Variants in TIMMDC1 observed in about 807,000 individuals in gnomAD.
The protein encoded by TIMMDC1 is translocase of inner mitochondrial membrane domain containing 1, also known as complex I assembly factor TIMMDC1, mitochondrial.
In TIMMDC1, 25 loss-of-function variants were observed where a neutral mutation model predicts 32.6. The observed-to-expected ratio is 0.77, with a 90% CI of 0.56 to 1.07. TIMMDC1 has a LOEUF of 1.07. Ranked by LOEUF, TIMMDC1 falls within the 50% of genes least tolerant of loss-of-function variation. TIMMDC1 has a pLI of 0.00. For synonymous variants in TIMMDC1, 130 were observed against 127.6 expected (o/e 1.02, Z -0.13); for missense variants, 329 against 349.2 (o/e 0.94, Z 0.46).
chr3:119,509,238 A>T (rs185658967), intron 4 of TIMMDC1, among the ~76,000 whole-genome samples: 2 of 152,156 alleles, frequency 1.3e-5, no homozygotes, highest in Non-Finnish European at 2.9e-5. Context: ...TTACTGTGCA[A>T]CTCAGCAATT....
chr3:119,514,665 A>G (rs2081974003), intron 5 of TIMMDC1, among the ~76,000 whole-genome samples: 1 of 152,198 alleles, frequency 6.6e-6, no homozygotes, highest in Non-Finnish European at 1.5e-5. Flanking sequence ...AAGTAATATT[A>G]ACTTTAATTA....
At position 119,517,281 on chromosome 3, in the gene TIMMDC1, C is replaced by G. The variant is rs149481081; in HGVS notation, c.673C>G (p.Arg225Gly). 4 of 1,613,464 alleles carry G rather than the reference C, an allele frequency of 2.5e-6. No homozygotes were observed. The highest frequency in any genetic ancestry group is 2.5e-6 in the Non-Finnish European group (3 of 1,179,534). ...ETVQERKQKD[R>G]KALHELKLEE... ...TGTTCAGGAAAGAAAACAGAAGGAT[C>G]GAAAGGCACTCCATGAGCTAAAACT... The change falls in exon 6 of 7, where the codon CGA (arginine) becomes GGA (glycine). Residue 225 changes from arginine to glycine, a missense_variant. Arg to Gly is a moderately radical substitution (Grantham distance 125, BLOSUM62 -2). Coordinates refer to ENST00000494664, the MANE Select transcript of TIMMDC1 (RefSeq NM_016589.4).
chr3:119,516,321 C>T lies in TIMMDC1; in HGVS notation c.597-884C>T, dbSNP rs2081985216. Among the ~76,000 whole-genome samples the T allele has an allele frequency of 2.0e-5, 3 of 152,184 alleles. No homozygotes were observed. In the South Asian group the frequency reaches 6.2e-4, roughly 32 times the overall value. ...TCTAAGATTTTGACTACTTTAGATA[C>T]TTCATATGAGTGGAATCATACACTA... is the stretch of plus-strand genomic sequence containing the variant. On this transcript the variant is annotated intron_variant, in intron 5 of 6. Transcript: ENST00000494664.
At chr3:119,516,857 G>T (rs114189851) in intron 5 of TIMMDC1, among the ~76,000 whole-genome samples, 46 of 152,214 alleles carry the variant, frequency 3.0e-4, no homozygotes, top group Non-Finnish European at 5.6e-4. Context: ...GAAATCTTTG[G>T]TGTGGGGCTA....
At chr3:119,519,560 A>C (rs755976007) in intron 6 of TIMMDC1, among the ~76,000 whole-genome samples, 16 of 152,188 alleles carry the variant, frequency 1.1e-4, no homozygotes, top group Non-Finnish European at 1.6e-4. Flanking sequence ...GGAAATAACA[A>C]CTGTAAATAT....
At chr3:119,519,509 C>G (rs147886403) in intron 6 of TIMMDC1, among the ~76,000 whole-genome samples, 1 of 151,932 alleles carries the variant, frequency 6.6e-6, no homozygotes, top group African/African-American at 2.4e-5. Flanking sequence ...TAAAAAGAGA[C>G]AAGGTCATTA....
chr3:119,519,706 C>G (rs537620833), intron 6 of TIMMDC1, among the ~76,000 whole-genome samples: 79 of 150,312 alleles, frequency 5.3e-4, no homozygotes, highest in African/African-American at 1.8e-3. Context: ...GACAGATCAT[C>G]TAGACAGAAA....
chr3:119,523,326 C>G (rs1489287220), intron 6 of TIMMDC1, among the ~76,000 whole-genome samples: 1 of 152,180 alleles, frequency 6.6e-6, no homozygotes, highest in Non-Finnish European at 1.5e-5. Context: ...CCACACATCA[C>G]TCCTGTGAGA....
chr3:119,518,852 A>T (rs1389071595), intron 6 of TIMMDC1, among the ~76,000 whole-genome samples: 1 of 151,916 alleles, frequency 6.6e-6, no homozygotes, highest in African/African-American at 2.4e-5. Flanking sequence ...AGAGAATGGG[A>T]TGATACATTC....
chr3:119,515,997 T>C (rs1265975721), intron 5 of TIMMDC1, among the ~76,000 whole-genome samples: 2 of 152,238 alleles, frequency 1.3e-5, no homozygotes, highest in African/African-American at 4.8e-5. Flanking sequence ...AATCAGCATG[T>C]CATAATCTAC....
chr3:119,506,950 G>C (rs75377110), intron 4 of TIMMDC1, among the ~76,000 whole-genome samples: 2,024 of 152,182 alleles, frequency 0.013, 42 homozygotes, highest in South Asian at 0.071. Context: ...TCAAAGTCCA[G>C]ATCATTTGTC....
chr3:119,524,927 C>T lies in TIMMDC1; in HGVS notation c.*1171C>T, dbSNP rs1305291001. 1.3e-5 allele frequency: 2 copies of T among 152,162 alleles called. No individual in the cohort carries two copies. Among genetic ancestry groups the T allele is most frequent in the East Asian group, 1.9e-4 (1 of 5,204 alleles). 9.4% of individuals were successfully genotyped at this position (152,162 alleles called of 1,614,324 possible). On this transcript the variant is annotated 3_prime_UTR_variant, in exon 7 of 7. Transcript: ENST00000494664. ...TGCTTAGTACATACACTGTAAACAA[C>T]GATCTCATTTTAAATGAGAACTTTC...
Position 119,523,666 on chromosome 3 carries a change from A to G in TIMMDC1, c.768A>G (p.Glu256=), listed in dbSNP as rs2082046119. 1 of 1,613,594 alleles carries G rather than the reference A, an allele frequency of 6.2e-7. No individual in the cohort carries two copies. The highest frequency in any genetic ancestry group is 1.3e-5 in the African/African-American group (1 of 74,904). The change falls in exon 7 of 7, where the codon GAA becomes GAG. Residue 256 remains glutamate (E), a synonymous_variant. Coordinates refer to ENST00000494664, the MANE Select transcript of TIMMDC1 (RefSeq NM_016589.4). The part of the protein sequence containing the change: ...LPEKIESSLQ[E]DEPENDAKKI... ...AGAAAATTGAAAGTAGTTTACAGGA[A>G]GATGAACCTGAGAATGATGCTAAGA...
rs1289041409 is a variant in TIMMDC1, at chr3:119,500,679, C to G, written c.195-16C>G. 7 of 1,606,554 alleles carry G rather than the reference C, an allele frequency of 4.4e-6. No individual in the cohort carries two copies. The highest frequency in any genetic ancestry group is 5.9e-6 in the Non-Finnish European group (7 of 1,176,534). ...ATAAACTAATCCCAAACAACATTGT[C>G]TTTTTGATGTTGTAGTGAACAGCAG... On this transcript the variant is annotated splice_polypyrimidine_tract_variant and intron_variant, in intron 1 of 6. Transcript: ENST00000494664.
intron 4 of TIMMDC1, among the ~76,000 whole-genome samples, chr3:119,506,199 C>T (rs767870688): frequency 6.6e-6 from 1 of 152,220 alleles, no homozygotes; most frequent in Admixed American, 6.5e-5. Context: ...TCCTTACTTG[C>T]TCCTGCTGTT....
At chr3:119,521,283 G>A (rs11720158) in intron 6 of TIMMDC1, among the ~76,000 whole-genome samples, 23,453 of 152,108 alleles carry the variant, frequency 0.15, 2,345 homozygotes, top group East Asian at 0.28. Context: ...GGCCAGGCAC[G>A]GTGGCTCACA....
At chr3:119,513,506 G>A (rs2081967157) in intron 4 of TIMMDC1, 135 bp from the exon 5 acceptor site, 2 of 656,860 alleles carry the variant, frequency 3.0e-6, no homozygotes, top group African/African-American at 1.9e-5. Context: ...GATTCAGGAA[G>A]TATAGGCTGT....
chr3:119,519,072 C>T (rs968205574), intron 6 of TIMMDC1, among the ~76,000 whole-genome samples: 32 of 152,108 alleles, frequency 2.1e-4, no homozygotes, highest in Non-Finnish European at 8.8e-5. Context: ...AGCACGGTAA[C>T]TACCATTATG....
At chr3:119,523,519 A>G (rs1216353180) in intron 6 of TIMMDC1, 87 bp from the exon 7 acceptor site, 12 of 1,383,134 alleles carry the variant, frequency 8.7e-6, no homozygotes, top group Non-Finnish European at 1.2e-5. Context: ...CAGGGAGGAA[A>G]AGACAAATGC....
Sources: allele counts gnomAD v4.1 joint callset (sites outside exome capture counted in the v4.1 genomes callset), GRCh38; gene constraint gnomAD v4.1.1; transcripts MANE v1.5; gene names NCBI Gene and HGNC (gene_info 2026-07-23, HGNC 2026-07-21).